The following FARSB variants were observed in gnomAD, a reference collection of about 807,000 sequenced individuals.
The protein encoded by FARSB is phenylalanine--tRNA ligase beta subunit.
In FARSB, 40 loss-of-function variants were observed where a neutral mutation model predicts 69.6. The observed-to-expected ratio is 0.57, with a 90% CI of 0.45 to 0.75. FARSB has a LOEUF of 0.75. Among genes scored for constraint, FARSB ranks in the 30% least tolerant of loss-of-function variants. The probability of loss-of-function intolerance (pLI) is 0.00; values close to 1 mark genes in which losing one functional copy is unlikely to be tolerated. For synonymous variants in FARSB, 235 were observed against 247.2 expected (o/e 0.95, Z 0.46); for missense variants, 632 against 722.9 (o/e 0.87, Z 1.44).
At chr2:222,634,789 G>GT (rs1219054755) in intron 5 of FARSB, among the ~76,000 whole-genome samples, 2 of 152,128 alleles carry the variant, frequency 1.3e-5, no homozygotes, top group African/African-American at 4.8e-5. Flanking sequence ...TGAAATACAT[G>GT]ATTTCAGGAG....
rs1248652209 is a variant in FARSB, at chr2:222,580,745, A to C, written c.1619-8723T>G. Among the ~76,000 whole-genome samples, 5 of 152,188 alleles carry C rather than the reference A, an allele frequency of 3.3e-5. No homozygotes were observed. In the East Asian group the frequency reaches 9.6e-4, roughly 29 times the overall value. On this transcript the variant is annotated intron_variant, in intron 16 of 16. Transcript: ENST00000281828. ...CAAATCAACCTAGGAAAATAATTCC[A>C]AGAGGAAACCTTTTTTCAGAGAATG...
chr2:222,631,058 ATAGCAATCCATTCC>A (rs1456130794), intron 8 of FARSB, among the ~76,000 whole-genome samples: 5 of 152,224 alleles, frequency 3.3e-5, no homozygotes, highest in Non-Finnish European at 7.3e-5. Context: ...AAAAGCTTTC[ATAGCAATCCATTCC>A]AATAGATGAA....
At position 222,628,826 on chromosome 2, in the gene FARSB, TA is replaced by T; in HGVS notation, c.900+10del. ...TTGTCATAATCATGAAGTCATTTCTTAAGCACTTACTGGAAAGGTATGTGAT... is the reference window on the plus strand; with the variant it reads ...TTGTCATAATCATGAAGTCATTTCTTAGCACTTACTGGAAAGGTATGTGAT... On this transcript the variant is annotated intron_variant, in intron 10 of 16. Coordinates refer to ENST00000281828, the MANE Select transcript of FARSB (RefSeq NM_005687.5). 1 of 1,570,860 alleles carries T rather than the reference TA, an allele frequency of 6.4e-7. No individual in the cohort carries two copies. The highest frequency in any genetic ancestry group is 8.8e-7 in the Non-Finnish European group (1 of 1,141,644).
chr2:222,610,959 C>T (rs1275946408), intron 15 of FARSB, among the ~76,000 whole-genome samples: 3 of 152,134 alleles, frequency 2.0e-5, no homozygotes, highest in African/African-American at 7.2e-5. Context: ...TGCTGCCTCC[C>T]CTGTTGTCCT....
At chr2:222,638,709 C>T (rs1691644988) in intron 5 of FARSB, among the ~76,000 whole-genome samples, 1 of 152,192 alleles carries the variant, frequency 6.6e-6, no homozygotes, top group Non-Finnish European at 1.5e-5. Context: ...CTCCTAGGCT[C>T]TACAGTTTAC....
Position 222,626,141 on chromosome 2 carries a change from C to A in FARSB, c.901-1366G>T, listed in dbSNP as rs535562241. ...GCACAAGCCTGTAATCCCAGCTACT[C>A]GGGAGGCTGAGGCAGGAGAATCGCT... is the stretch of plus-strand genomic sequence containing the variant. On this transcript the variant is annotated intron_variant, in intron 10 of 16. Coordinates refer to ENST00000281828, the MANE Select transcript of FARSB (RefSeq NM_005687.5). Among the ~76,000 whole-genome samples, 219 of 146,358 alleles carry A rather than the reference C, an allele frequency of 1.5e-3. 1 individual carries two copies. The highest frequency in any genetic ancestry group is 0.014 in the Admixed American group (192 of 14,208).
At chr2:222,636,177 C>T (rs1405854189) in intron 5 of FARSB, among the ~76,000 whole-genome samples, 2 of 151,648 alleles carry the variant, frequency 1.3e-5, no homozygotes, top group Admixed American at 1.3e-4. Context: ...GAGGCCGAGG[C>T]AGGTGGATCA....
intron 1 of FARSB, among the ~76,000 whole-genome samples, chr2:222,650,651 G>C (rs560463141): frequency 3.9e-5 from 6 of 152,170 alleles, no homozygotes; most frequent in African/African-American, 1.4e-4. Context: ...CCTCCAAGAC[G>C]GCCTGTTCCA....
chr2:222,617,393 C>T (rs977784555), intron 14 of FARSB, among the ~76,000 whole-genome samples: 2 of 152,046 alleles, frequency 1.3e-5, no homozygotes, highest in Non-Finnish European at 2.9e-5. Flanking sequence ...TAACAGTTAC[C>T]ACATCTTAAG....
chr2:222,626,100 T>C (rs896336170), intron 10 of FARSB, among the ~76,000 whole-genome samples: 4 of 151,560 alleles, frequency 2.6e-5, no homozygotes, highest in East Asian at 3.9e-4. Context: ...TACAAAAAAG[T>C]TGGCTGGGCA....
At chr2:222,633,033 G>A (rs745649301) in intron 7 of FARSB, among the ~76,000 whole-genome samples, 166 bp downstream of exon 7, 1 of 152,136 alleles carries the variant, frequency 6.6e-6, no homozygotes, top group Non-Finnish European at 1.5e-5. Flanking sequence ...ATAAAATGTT[G>A]TTGAATAAAT....
chr2:222,589,023 A>G (rs1259131361), intron 16 of FARSB, among the ~76,000 whole-genome samples: 1 of 152,224 alleles, frequency 6.6e-6, no homozygotes, highest in Non-Finnish European at 1.5e-5. Flanking sequence ...TAAAGTTCAT[A>G]TGGCACCAAA....
At chr2:222,648,867 T>A in intron 1 of FARSB, 72 bp from the exon 2 acceptor site, 1 of 962,114 alleles carries the variant, frequency 1.0e-6, no homozygotes, top group South Asian at 1.3e-5. Flanking sequence ...ACAAACTGCA[T>A]TTTCTTATTA....
At chr2:222,589,117 A>G (rs920818742) in intron 16 of FARSB, among the ~76,000 whole-genome samples, 16 of 152,338 alleles carry the variant, frequency 1.1e-4, no homozygotes, top group African/African-American at 3.6e-4. Context: ...AAACTATACT[A>G]CAAGGCTACA....
At chr2:222,586,087 G>GA (rs1197099692) in intron 16 of FARSB, among the ~76,000 whole-genome samples, 1 of 152,044 alleles carries the variant, frequency 6.6e-6, no homozygotes, top group Non-Finnish European at 1.5e-5. Context: ...TGAAATGAAG[G>GA]AAAAAAATGT....
chr2:222,603,575 G>A (rs1276266255), intron 15 of FARSB, among the ~76,000 whole-genome samples: 1 of 150,646 alleles, frequency 6.6e-6, no homozygotes, highest in Non-Finnish European at 1.5e-5. Flanking sequence ...CTATAAAACA[G>A]ATGGAGAAAC....
At chr2:222,640,454 A>G (rs550429417) in intron 4 of FARSB, among the ~76,000 whole-genome samples, 12 of 150,676 alleles carry the variant, frequency 8.0e-5, no homozygotes, top group Non-Finnish European at 1.6e-4. Context: ...GTGAAAACCC[A>G]TTTCTAAAAA....
At chr2:222,655,205 A>T (rs1692140389) in intron 1 of FARSB, among the ~76,000 whole-genome samples, 1 of 146,836 alleles carries the variant, frequency 6.8e-6, no homozygotes, top group South Asian at 2.1e-4. Context: ...AATAAAAATA[A>T]AAAAAAAAAT....
chr2:222,613,134 T>C (rs1282750748), intron 15 of FARSB, among the ~76,000 whole-genome samples: 1 of 152,236 alleles, frequency 6.6e-6, no homozygotes, highest in East Asian at 1.9e-4. Flanking sequence ...AAAAATGCTT[T>C]CCATTAAAAG....
Sources: gnomAD v4.1 joint callset for allele counts (sites outside exome capture counted in the v4.1 genomes callset) on GRCh38, gnomAD v4.1.1 for gene constraint, MANE v1.5 for transcripts, NCBI Gene and HGNC (gene_info 2026-07-23, HGNC 2026-07-21) for gene names.